Variants in PCDHGA12 observed in about 807,000 individuals in gnomAD.
PCDHGA12 encodes the protein protocadherin gamma subfamily A, 12.
PCDHGA12 carries 43 observed loss-of-function variants against 61.1 expected under a neutral mutation model. The ratio of observed to expected loss-of-function variants is 0.70; its 90% CI spans 0.55 to 0.91. The LOEUF is 0.91. Among genes scored for constraint, PCDHGA12 ranks in the 40% least tolerant of loss-of-function variants. The pLI is 0.00. For missense variants in PCDHGA12, 1,236 were observed against 1,227.7 expected (o/e 1.01, Z -0.10); for synonymous variants, 520 against 542.9 (o/e 0.96, Z 0.59).
intron 1 of PCDHGA12, among the ~76,000 whole-genome samples, chr5:141,450,008 T>A (rs78952430): frequency 4.8e-4 from 18 of 37,340 alleles, no homozygotes; most frequent in African/African-American, 6.8e-4. Context: ...CCATGTCTCT[T>A]TTTTTTTTTT....
rs2099609528 is a variant in PCDHGA12 at position 141,485,211 on chromosome 5, G to A, written c.2425-9596G>A. 6.2e-7 allele frequency: 1 copy of A among 1,614,126 alleles called. No individual in the cohort carries two copies. The highest frequency in any genetic ancestry group is 8.5e-7 in the Non-Finnish European group (1 of 1,179,980). Reference sequence around the variant, plus strand: ...GTGAGAAGCTGGACAGAAATCTGGCGGTGGGCTACCCTTTTGTTCCTCTTT... The same window carrying A: ...GTGAGAAGCTGGACAGAAATCTGGCAGTGGGCTACCCTTTTGTTCCTCTTT... On this transcript the variant is annotated intron_variant, in intron 1 of 3. Transcript: ENST00000252085. This position sits in a 1 kb window ranked among gnomAD's most constrained non-coding sequence, Gnocchi z 5.7.
intron 1 of PCDHGA12, among the ~76,000 whole-genome samples, chr5:141,439,459 A>ACTG (rs1234039449): frequency 6.6e-6 from 1 of 152,222 alleles, no homozygotes; most frequent in Non-Finnish European, 1.5e-5. Flanking sequence ...GCAAGACTGC[A>ACTG]CTGCTGCCTT....
intron 2 of PCDHGA12, among the ~76,000 whole-genome samples, chr5:141,501,075 A>C (rs980856799): frequency 6.6e-6 from 1 of 151,366 alleles, no homozygotes; most frequent in African/African-American, 2.4e-5. Context: ...CACCATGTTG[A>C]CCAGGATGGT....
At position 141,485,163 on chromosome 5, in the gene PCDHGA12, G is replaced by A. The variant is rs2099608470; in HGVS notation, c.2425-9644G>A. 14 of 1,604,624 alleles carry A rather than the reference G, an allele frequency of 8.7e-6. No individual in the cohort carries two copies. The highest frequency in any genetic ancestry group is 1.1e-5 in the Non-Finnish European group (13 of 1,172,560). ...TCTCAGGAGCAAGTAGAGAATTAGCGGGCGGCAGCAATGCTCCGCAAGGTG... is the reference window on the plus strand; with the variant it reads ...TCTCAGGAGCAAGTAGAGAATTAGCAGGCGGCAGCAATGCTCCGCAAGGTG... On this transcript the variant is annotated intron_variant, in intron 1 of 3. Coordinates refer to ENST00000252085, the MANE Select transcript of PCDHGA12 (RefSeq NM_003735.3). The surrounding 1 kb of genome is among the most constrained non-coding windows in gnomAD (Gnocchi z 5.7).
chr5:141,487,040 C>T lies in PCDHGA12; in HGVS notation c.2425-7767C>T, dbSNP rs374574042. The T allele has an allele frequency of 3.7e-6, 6 of 1,614,136 alleles. No homozygotes were observed. Among genetic ancestry groups the T allele is most frequent in the South Asian group, 1.1e-5 (1 of 91,082 alleles). On this transcript the variant is annotated intron_variant, in intron 1 of 3. Transcript: ENST00000252085. This position sits in a 1 kb window ranked among gnomAD's most constrained non-coding sequence, Gnocchi z 5.0. Reference sequence around the variant, plus strand: ...AGATCCCAGCCTGTTTGCAGTCTCTCGATATGCTGGGGAGGTGCGGACGGC... The same window carrying T: ...AGATCCCAGCCTGTTTGCAGTCTCTTGATATGCTGGGGAGGTGCGGACGGC...
In PCDHGA12 at chr5:141,476,141, G is replaced by A. The variant is rs1011341002; in HGVS notation, c.2425-18666G>A. On this transcript the variant is annotated intron_variant, in intron 1 of 3. Coordinates refer to ENST00000252085, the MANE Select transcript of PCDHGA12 (RefSeq NM_003735.3). This position sits in a 1 kb window ranked among gnomAD's most constrained non-coding sequence, Gnocchi z 7.6. ...GATGGTCCCAGAGGCCTGGAGGAGCGGACTGGTAAGCACCGGGAGGGTAGT... is the reference window on the plus strand; with the variant it reads ...GATGGTCCCAGAGGCCTGGAGGAGCAGACTGGTAAGCACCGGGAGGGTAGT... 5.6e-6 allele frequency: 9 copies of A among 1,609,928 alleles called. No homozygotes were observed. Among genetic ancestry groups the A allele is most frequent in the Non-Finnish European group, 7.6e-6 (9 of 1,178,880 alleles).
chr5:141,470,658 G>T lies in PCDHGA12; in HGVS notation c.2425-24149G>T, dbSNP rs527415532. Among the ~76,000 whole-genome samples the T allele has an allele frequency of 4.7e-3, 721 of 152,024 alleles. 9 individuals carry two copies. The highest frequency in any genetic ancestry group is 6.7e-3 in the Non-Finnish European group (452 of 67,944). On this transcript the variant is annotated intron_variant, in intron 1 of 3. Transcript: ENST00000252085. ...CTTGCTTTGAAGGCCCCTACCCTTT[G>T]GTTAGGGCTCTGCTGTTACCATCTT... is the stretch of plus-strand genomic sequence containing the variant.
chr5:141,476,205 C>G lies in PCDHGA12; in HGVS notation c.2425-18602C>G. ...CTGCTTGGTGCCTTGAACAAGGCTT[C>G]CACGGTCATTCACTATGAGATCCCG... On this transcript the variant is annotated intron_variant, in intron 1 of 3. Transcript: ENST00000252085. The surrounding 1 kb of genome is among the most constrained non-coding windows in gnomAD (Gnocchi z 7.6). 1 of 1,613,892 alleles carries G rather than the reference C, an allele frequency of 6.2e-7. No homozygotes were observed. Among genetic ancestry groups the G allele is most frequent in the Non-Finnish European group, 8.5e-7 (1 of 1,180,012 alleles).
chr5:141,438,152 G>A (rs184819165), intron 1 of PCDHGA12, among the ~76,000 whole-genome samples: 1 of 152,250 alleles, frequency 6.6e-6, no homozygotes, highest in African/African-American at 2.4e-5. Flanking sequence ...CCAGCCTATG[G>A]CAAAGCTAAT....
Position 141,485,979 on chromosome 5 carries a change from C to T in PCDHGA12, c.2425-8828C>T. ...CTCATCCAGCTCAATGCCTCAGACC[C>T]GGACCTGGGTCCCAGTGGTAACGTC... is the stretch of plus-strand genomic sequence containing the variant. On this transcript the variant is annotated intron_variant, in intron 1 of 3. Coordinates refer to ENST00000252085, the MANE Select transcript of PCDHGA12 (RefSeq NM_003735.3). The surrounding 1 kb of genome is among the most constrained non-coding windows in gnomAD (Gnocchi z 5.7). The T allele has an allele frequency of 1.2e-6, 2 of 1,614,182 alleles. No individual in the cohort carries two copies. The highest frequency in any genetic ancestry group is 1.7e-6 in the Non-Finnish European group (2 of 1,180,022).
rs150714552 is a variant in PCDHGA12, at chr5:141,473,285, G to A, written c.2425-21522G>A. On this transcript the variant is annotated intron_variant, in intron 1 of 3. Transcript: ENST00000252085. ...GTGTATGCTATGATTATTTTACTATGTCAGTAGCATAAAGATTGCTATATT... is the reference window on the plus strand; with the variant it reads ...GTGTATGCTATGATTATTTTACTATATCAGTAGCATAAAGATTGCTATATT... 3.9e-3 allele frequency among the ~76,000 whole-genome samples: 590 copies of A among 152,296 alleles called. 6 individuals are homozygous for A. Among genetic ancestry groups the A allele is most frequent in the Admixed American group, 0.011 (170 of 15,296 alleles).
Position 141,491,869 on chromosome 5 carries a change from G to A in PCDHGA12, c.2425-2938G>A. On this transcript the variant is annotated intron_variant, in intron 1 of 3. Transcript: ENST00000252085. The surrounding 1 kb of genome is among the most constrained non-coding windows in gnomAD (Gnocchi z 6.9). ...GGACCGTTTGCGCGAAACCAGAGTG[G>A]CCGATTAAGGGATGGGGCTCCGAGC... The A allele has an allele frequency of 6.9e-7, 1 of 1,453,094 alleles. No individual in the cohort carries two copies. Among genetic ancestry groups the A allele is most frequent in the Non-Finnish European group, 9.1e-7 (1 of 1,099,380 alleles). 90.0% of individuals were successfully genotyped at this position (1,453,094 alleles called of 1,614,324 possible).
Position 141,431,953 on chromosome 5 carries a change from C to G in PCDHGA12, c.1194C>G (p.Tyr398Ter). 1.2e-6 allele frequency: 2 copies of G among 1,614,082 alleles called. No individual in the cohort carries two copies. Among genetic ancestry groups the G allele is most frequent in the East Asian group, 4.5e-5 (2 of 44,886 alleles). Reference protein sequence around the residue: ...GNLPFKLEKSYGNYYSLVTDI... With the variant: ...GNLPFKLEKS ...TGCCCTTTAAATTAGAAAAATCTTA[C>G]GGAAATTACTATAGTTTAGTCACAG... The change falls in exon 1 of 4, where the codon TAC becomes TAG. Residue 398 changes from tyrosine to a stop codon, truncating the protein, a stop_gained. Transcript: ENST00000252085. LOFTEE classifies it high-confidence loss of function. The surrounding 1 kb of genome is among the most constrained non-coding windows in gnomAD (Gnocchi z 4.8).
rs776348214 is a variant in PCDHGA12 at position 141,487,781 on chromosome 5, G to A, written c.2425-7026G>A. 108 of 1,526,850 alleles carry A rather than the reference G, an allele frequency of 7.1e-5. No individual in the cohort carries two copies. Among genetic ancestry groups the A allele is most frequent in the East Asian group, 3.7e-4 (15 of 40,622 alleles). 94.6% of individuals were successfully genotyped at this position (1,526,850 alleles called of 1,614,324 possible). On this transcript the variant is annotated intron_variant, in intron 1 of 3. Coordinates refer to ENST00000252085, the MANE Select transcript of PCDHGA12 (RefSeq NM_003735.3). This position sits in a 1 kb window ranked among gnomAD's most constrained non-coding sequence, Gnocchi z 5.0. ...AGACGCTGTGCTTTGTAACTGTTTC[G>A]TGAATTAACCAGAGTTGTCACAGTT... is the stretch of plus-strand genomic sequence containing the variant.
rs147564249 is a variant in PCDHGA12, at chr5:141,432,378, C to T, written c.1619C>T (p.Pro540Leu). 1 of 1,614,234 alleles carries T rather than the reference C, an allele frequency of 6.2e-7. No homozygotes were observed. Among genetic ancestry groups the T allele is most frequent in the Non-Finnish European group, 8.5e-7 (1 of 1,180,044 alleles). ...GTGATGGCGCGGGACAACGGGCACCCGCCCCTCAGCAGCAACGTGTCGTTG... is the reference window on the plus strand; with the variant it reads ...GTGATGGCGCGGGACAACGGGCACCTGCCCCTCAGCAGCAACGTGTCGTTG... ...VKVMARDNGH[P>L]PLSSNVSLSL... The change falls in exon 1 of 4, where the codon CCG becomes CTG. Residue 540 changes from proline (P) to leucine (L), a missense_variant. Coordinates refer to ENST00000252085, the MANE Select transcript of PCDHGA12 (RefSeq NM_003735.3). This position sits in a 1 kb window ranked among gnomAD's most constrained non-coding sequence, Gnocchi z 6.0.
chr5:141,491,148 G>A lies in PCDHGA12; in HGVS notation c.2425-3659G>A. The A allele has an allele frequency of 6.8e-6, 11 of 1,614,140 alleles. No homozygotes were observed. The highest frequency in any genetic ancestry group is 9.3e-6 in the Non-Finnish European group (11 of 1,179,990). The stretch of plus-strand genomic sequence containing the variant: ...TGCGCACAGCCCGGGCCTTACTGGA[G>A]GATGACTCTGACACCCAGCAGGTGG... On this transcript the variant is annotated intron_variant, in intron 1 of 3. Transcript: ENST00000252085. The surrounding 1 kb of genome is among the most constrained non-coding windows in gnomAD (Gnocchi z 6.9).
chr5:141,511,140 C>T lies in PCDHGA12; in HGVS notation c.2766C>T (p.Asn922=). Reference sequence around the variant, plus strand: ...AGGCCCCAGCAGGTGGCAATGGCAACAAGAAGAAGTCGGGCAAGAAGGAGA... The same window carrying T: ...AGGCCCCAGCAGGTGGCAATGGCAATAAGAAGAAGTCGGGCAAGAAGGAGA... ...DGKAPAGGNG[N]KKKSGKKEKK is the part of the protein sequence containing the mutation. Residue 922 remains asparagine (N), a synonymous_variant, in exon 4 of 4, where the codon AAC becomes AAT. Transcript: ENST00000252085. The T allele has an allele frequency of 1.2e-6, 2 of 1,614,186 alleles. No homozygotes were observed. The highest frequency in any genetic ancestry group is 1.3e-5 in the African/African-American group (1 of 75,050).
intron 1 of PCDHGA12, among the ~76,000 whole-genome samples, chr5:141,457,628 C>T (rs1210673176): frequency 6.6e-6 from 1 of 152,244 alleles, no homozygotes; most frequent in Non-Finnish European, 1.5e-5. Context: ...TAATCTTATA[C>T]TTGGCCTGAT....
At chr5:141,433,257 G>A (rs764036349) in intron 1 of PCDHGA12, 74 bp downstream of exon 1, 4 of 1,385,412 alleles carry the variant, frequency 2.9e-6, no homozygotes, top group Non-Finnish European at 4.0e-6. Context: ...GCAGCGGTAC[G>A]ATCATAGCTC....
Sources: gnomAD v4.1 joint callset for allele counts (sites outside exome capture counted in the v4.1 genomes callset) on GRCh38, gnomAD v4.1.1 for gene constraint, Gnocchi (gnomAD v3.1) non-coding constraint, MANE v1.5 for transcripts, NCBI Gene and HGNC (gene_info 2026-07-23, HGNC 2026-07-21) for gene names.